THAP5: variants seen among roughly 807,000 people sequenced by gnomAD.
THAP5 encodes THAP domain-containing protein 5.
Under a neutral mutation model 34.0 loss-of-function variants are expected in THAP5, and 26 were observed. The ratio of observed to expected loss-of-function variants is 0.77; its 90% CI spans 0.56 to 1.06. THAP5 has a LOEUF of 1.06. Among genes scored for constraint, THAP5 ranks in the 50% least tolerant of loss-of-function variants. THAP5 has a pLI of 0.00. For synonymous variants in THAP5, 125 were observed against 153.0 expected (o/e 0.82, Z 1.35); for missense variants, 394 against 452.8 (o/e 0.87, Z 1.18).
Position 108,569,508 on chromosome 7 carries a change from C to T in THAP5, c.62G>A (p.Arg21Gln), listed in dbSNP as rs1178615738. The change falls in exon 1 of 3, where the codon CGG becomes CAG. Residue 21 changes from arginine to glutamine, a missense_variant. Transcript: ENST00000415914. Reference protein sequence around the residue: ...KNRRGRNNKDRKLSFYPFPLH... With the variant: ...KNRRGRNNKDQKLSFYPFPLH... ...AACTTACGGATAAAAACTCAGCTTC[C>T]GGTCTTTATTGTTTCGTCCCCGGCG... is the stretch of plus-strand genomic sequence containing the variant. 1.9e-6 allele frequency: 3 copies of T among 1,551,662 alleles called. No individual in the cohort carries two copies. Among genetic ancestry groups the T allele is most frequent in the African/African-American group, 1.4e-5 (1 of 73,062 alleles).
At chr7:108,569,115 A>C in intron 1 of THAP5, 2 of 1,055,684 alleles carry the variant, frequency 1.9e-6, no homozygotes, top group Non-Finnish European at 2.3e-6. Context: ...GGGGGTGTAA[A>C]TTAACTTTGC....
chr7:108,560,643 G>C (rs1341390964), downstream of THAP5, among the ~76,000 whole-genome samples: 1 of 152,244 alleles, frequency 6.6e-6, no homozygotes, highest in African/African-American at 2.4e-5. Context: ...GGCTGGGAGA[G>C]AGAGTTTGAA....
chr7:108,546,220 G>A, the THAP5 span, among the ~76,000 whole-genome samples: 1 of 152,118 alleles, frequency 6.6e-6, no homozygotes, highest in African/African-American at 2.4e-5. Flanking sequence ...TTATCATCCT[G>A]TTTTTCTGTA....
downstream of THAP5, among the ~76,000 whole-genome samples, chr7:108,559,315 C>T (rs1864410099): frequency 6.6e-6 from 1 of 152,186 alleles, no homozygotes; most frequent in African/African-American, 2.4e-5. Flanking sequence ...TGACTTCTTT[C>T]TAGCATGAAA....
At chr7:108,569,123 T>C (rs552815998) in intron 1 of THAP5, 1 of 1,072,616 alleles carries the variant, frequency 9.3e-7, no homozygotes. Flanking sequence ...AAATTAACTT[T>C]GCGTGCACCT....
At chr7:108,544,292 C>T in the THAP5 span, among the ~76,000 whole-genome samples, 2 of 151,980 alleles carry the variant, frequency 1.3e-5, no homozygotes, top group East Asian at 1.9e-4. Context: ...TTTGGGAGGC[C>T]GAGGCGGGTG....
At position 108,565,935 on chromosome 7, in the gene THAP5, T is replaced by C. The variant is rs778577974; in HGVS notation, c.168A>G (p.Leu56=). 3.2e-6 allele frequency: 5 copies of C among 1,551,134 alleles called. No homozygotes were observed. Among genetic ancestry groups the C allele is most frequent in the South Asian group, 1.2e-5 (1 of 84,014 alleles). ...AGTCAGGAGTAAAATGGTCACTACATAGAAACTGGTATTTACTGGGAACCC... is the reference window on the plus strand; with the variant it reads ...AGTCAGGAGTAAAATGGTCACTACACAGAAACTGGTATTTACTGGGAACCC... ...DSWVPSKYQF[L]CSDHFTPDSL... is the part of the protein sequence containing the mutation. Residue 56 remains leucine (L), a synonymous_variant, in exon 2 of 3, where the codon CTA becomes CTG. Coordinates refer to ENST00000415914, the MANE Select transcript of THAP5 (RefSeq NM_001130475.3).
chr7:108,560,439 G>A (rs560474351), downstream of THAP5, among the ~76,000 whole-genome samples: 5 of 152,246 alleles, frequency 3.3e-5, no homozygotes, highest in Admixed American at 3.3e-4. Context: ...CTATAAGACA[G>A]GACCCAAAGG....
chr7:108,549,964 C>T (rs1864343518), downstream of THAP5, among the ~76,000 whole-genome samples: 1 of 152,152 alleles, frequency 6.6e-6, no homozygotes, highest in African/African-American at 2.4e-5. Flanking sequence ...TTGCTTCTTT[C>T]TTGATTTGAA....
In THAP5 at chr7:108,569,583, C is replaced by T. The variant is rs1790567098; in HGVS notation, c.-14G>A. Reference sequence around the variant, plus strand: ...ATAGCGGGGCATGACTCGGGTGAGGCCCCTGGAGACCGGGGCCGGCGACGG... The same window carrying T: ...ATAGCGGGGCATGACTCGGGTGAGGTCCCTGGAGACCGGGGCCGGCGACGG... On this transcript the variant is annotated 5_prime_UTR_variant, in exon 1 of 3. Coordinates refer to ENST00000415914, the MANE Select transcript of THAP5 (RefSeq NM_001130475.3). 2 of 1,550,690 alleles carry T rather than the reference C, an allele frequency of 1.3e-6. No individual in the cohort carries two copies. Among genetic ancestry groups the T allele is most frequent in the Admixed American group, 2.0e-5 (1 of 50,984 alleles).
Position 108,569,667 on chromosome 7 carries a change from G to A in THAP5, c.-98C>T. On this transcript the variant is annotated 5_prime_UTR_variant, in exon 1 of 3. An upstream open reading frame in the 5' UTR gains an earlier in-frame stop. Transcript: ENST00000415914. ...ACAGGTCCAGGCCTCTCGAGCCCCT[G>A]CGCCTGCGCTAGCATTCTGCCGGGA... 2 of 1,462,338 alleles carry A rather than the reference G, an allele frequency of 1.4e-6. No homozygotes were observed. The highest frequency in any genetic ancestry group is 2.5e-5 in the East Asian group (1 of 40,296). The allele number at this position is 1,462,338 out of a possible 1,614,324, so 90.6% of individuals were successfully genotyped here. A position where few individuals can be genotyped will look rare whatever the true frequency, so the allele number is the denominator to read the frequency against.
intron 1 of THAP5, among the ~76,000 whole-genome samples, chr7:108,555,558 G>C (rs1864380083): frequency 2.0e-5 from 3 of 152,070 alleles, no homozygotes; most frequent in Admixed American, 2.0e-4. Flanking sequence ...CTGTTATAAA[G>C]AACTACCTGA....
chr7:108,551,941 T>C (rs1190381438), downstream of THAP5, among the ~76,000 whole-genome samples: 2 of 152,210 alleles, frequency 1.3e-5, no homozygotes, highest in African/African-American at 2.4e-5. Flanking sequence ...ATTTTTGTTC[T>C]TTTTTCTTGG....
Position 108,563,927 on chromosome 7 carries a change from T to G in THAP5, c.*264A>C, listed in dbSNP as rs1326442944. On this transcript the variant is annotated 3_prime_UTR_variant, in exon 3 of 3. Transcript: ENST00000415914. ...TGTGCTCTTTGAACACTTCTTTGTT[T>G]TCTCATGTTATAACTGAATCCTTCT... 1.1e-5 allele frequency: 3 copies of G among 269,852 alleles called. No individual in the cohort carries two copies. The highest frequency in any genetic ancestry group is 4.7e-5 in the Admixed American group (1 of 21,212). 16.7% of individuals were successfully genotyped at this position (269,852 alleles called of 1,614,324 possible).
the THAP5 span, among the ~76,000 whole-genome samples, chr7:108,545,540 A>T: frequency 4.6e-5 from 7 of 152,250 alleles, no homozygotes; most frequent in Non-Finnish European, 2.9e-5. Context: ...TAAGCTTCAT[A>T]GAATAAAATC....
At chr7:108,566,080 T>G (rs1386965699) in intron 1 of THAP5, 58 bp from the exon 2 acceptor site, 3 of 1,447,158 alleles carry the variant, frequency 2.1e-6, no homozygotes, top group Non-Finnish European at 2.7e-6. Flanking sequence ...TTTTACAATT[T>G]TGCCAAATTC....
downstream of THAP5, among the ~76,000 whole-genome samples, chr7:108,552,804 GAA>G (rs34181587): frequency 0.69 from 104,652 of 151,248 alleles, 36,453 homozygotes; most frequent in East Asian, 0.91. Flanking sequence ...TGTCTCAGGG[GAA>G]AAAAAAAAAT....
In THAP5 at chr7:108,564,501, T is replaced by C. The variant is rs1359000278; in HGVS notation, c.878A>G (p.Lys293Arg). 6.2e-7 allele frequency: 1 copy of C among 1,613,854 alleles called. No homozygotes were observed. The highest frequency in any genetic ancestry group is 1.3e-5 in the African/African-American group (1 of 74,934). ...PSVNSFISAQ[K>R]ETTEMEDTDI... ...TGTGTCTTCCATTTCCGTGGTTTCT[T>C]TTTGTGCAGATATAAAAGAATTAAC... The change falls in exon 3 of 3, where the codon AAA becomes AGA. Residue 293 changes from lysine (K) to arginine (R), a missense_variant. Lys to Arg is a conservative substitution (Grantham distance 26, BLOSUM62 2). Coordinates refer to ENST00000415914, the MANE Select transcript of THAP5 (RefSeq NM_001130475.3).
the THAP5 span, among the ~76,000 whole-genome samples, chr7:108,548,859 T>C: frequency 6.6e-6 from 1 of 152,054 alleles, no homozygotes; most frequent in Non-Finnish European, 1.5e-5. Flanking sequence ...AAGATGAGAT[T>C]TGGGTGGGGA....
Sources: allele counts gnomAD v4.1 joint callset (sites outside exome capture counted in the v4.1 genomes callset), GRCh38; gene constraint gnomAD v4.1.1; transcripts MANE v1.5; gene names NCBI Gene and HGNC (gene_info 2026-07-23, HGNC 2026-07-21).